PPFIA1: variants seen among roughly 807,000 people sequenced by gnomAD.
The protein encoded by PPFIA1 is liprin-alpha-1.
A neutral mutation model predicts 149.9 loss-of-function variants in PPFIA1; 25 were observed. The ratio of observed to expected loss-of-function variants is 0.17; its 90% CI spans 0.12 to 0.23. PPFIA1 has a LOEUF of 0.23. PPFIA1 is among the 10% of genes least tolerant of loss of function. The pLI is 1.00. For synonymous variants in PPFIA1, 549 were observed against 552.8 expected (o/e 0.99, Z 0.10); for missense variants, 1,362 against 1,506.5 (o/e 0.90, Z 1.59).
intron 9 of PPFIA1, among the ~76,000 whole-genome samples, chr11:70,333,255 A>C (rs538604350): frequency 2.6e-5 from 4 of 152,316 alleles, no homozygotes; most frequent in African/African-American, 9.6e-5. Flanking sequence ...AGCAGCAGCC[A>C]TGCTTCAGAA....
At position 70,348,062 on chromosome 11, in the gene PPFIA1, A is replaced by G. The variant is rs983482216; in HGVS notation, c.1932-127A>G. The G allele has an allele frequency of 1.1e-5, 8 of 699,902 alleles. No individual in the cohort carries two copies. In the African/African-American group the frequency reaches 1.4e-4, roughly 13 times the overall value. 43.4% of individuals were successfully genotyped at this position (699,902 alleles called of 1,614,324 possible). A position where few individuals can be genotyped will look rare whatever the true frequency, so the allele number is the denominator to read the frequency against. On this transcript the variant is annotated intron_variant, in intron 15 of 27. Transcript: ENST00000253925. ...GTAGAACATTTTTGCTGAAGTGTTC[A>G]TTGTTTGAGCAGCTTATTACTGGAG...
At chr11:70,363,617 G>A (rs1462296070) in intron 21 of PPFIA1, among the ~76,000 whole-genome samples, 5 of 152,044 alleles carry the variant, frequency 3.3e-5, no homozygotes, top group African/African-American at 1.2e-4. Flanking sequence ...GGGCTCAAGC[G>A]ATCCTCCCAC....
At chr11:70,300,755 G>C (rs1239568812) in intron 2 of PPFIA1, among the ~76,000 whole-genome samples, 1 of 152,120 alleles carries the variant, frequency 6.6e-6, no homozygotes, top group Non-Finnish European at 1.5e-5. Context: ...GGATGGTCTC[G>C]ATCTCCTGAT....
chr11:70,349,484 A>G (rs2137245404), intron 16 of PPFIA1, among the ~76,000 whole-genome samples: 1 of 152,134 alleles, frequency 6.6e-6, no homozygotes, highest in African/African-American at 2.4e-5. Flanking sequence ...AAAAAACCAA[A>G]CTATCTTGTA....
intron 26 of PPFIA1, chr11:70,378,521 G>GC: frequency 1.0e-6 from 1 of 978,450 alleles, no homozygotes; most frequent in Non-Finnish European, 1.2e-6. Flanking sequence ...GTGCTAGAAA[G>GC]CTCTTTCAGG....
intron 2 of PPFIA1, among the ~76,000 whole-genome samples, chr11:70,302,502 A>C (rs959682659): frequency 1.3e-5 from 2 of 152,210 alleles, no homozygotes; most frequent in Admixed American, 6.5e-5. Context: ...AGCTGGAGAC[A>C]GGGCACTTGA....
At chr11:70,381,205 C>T (rs1234500589) in intron 26 of PPFIA1, 1 of 152,182 alleles carries the variant, frequency 6.6e-6, no homozygotes, top group Non-Finnish European at 1.5e-5. Context: ...CATCTGTCCT[C>T]ACCAACAGTC....
intron 2 of PPFIA1, among the ~76,000 whole-genome samples, chr11:70,281,366 C>CCTCCTG (rs1355015135): frequency 1.3e-5 from 2 of 152,190 alleles, no homozygotes; most frequent in Non-Finnish European, 2.9e-5. Flanking sequence ...CTTCCCCCAA[C>CCTCCTG]CTCCTGCTCC....
intron 2 of PPFIA1, among the ~76,000 whole-genome samples, chr11:70,312,093 C>G (rs778662890): frequency 2.0e-5 from 3 of 151,838 alleles, no homozygotes; most frequent in Non-Finnish European, 2.9e-5. Context: ...TCCTGCCTGC[C>G]TCAGCTTCTC....
intron 2 of PPFIA1, among the ~76,000 whole-genome samples, chr11:70,280,216 G>GTGTA (rs1555077937): frequency 7.0e-6 from 1 of 143,250 alleles, no homozygotes; most frequent in African/African-American, 2.6e-5. Context: ...ATATATGTGT[G>GTGTA]TATATATATA....
intron 2 of PPFIA1, among the ~76,000 whole-genome samples, chr11:70,294,765 A>T (rs1362144827): frequency 6.6e-6 from 1 of 151,798 alleles, no homozygotes; most frequent in Non-Finnish European, 1.5e-5. Context: ...CTTAACGAGC[A>T]TGCTGCCTTC....
chr11:70,326,309 T>C lies in PPFIA1; in HGVS notation c.654T>C (p.Asp218=). ...ATAATCAGAAAAAAACTCTAACAGA[T>C]GGAGTGCTGGACATAAACCATGAAC... The part of the protein sequence containing the change: ...EQNNQKKTLT[D]GVLDINHEQE... Residue 218 remains aspartate, a synonymous_variant, in exon 6 of 28, where the codon GAT becomes GAC. Coordinates refer to ENST00000253925, the MANE Select transcript of PPFIA1 (RefSeq NM_003626.5). 1 of 1,609,988 alleles carries C rather than the reference T, an allele frequency of 6.2e-7. No homozygotes were observed. Among genetic ancestry groups the C allele is most frequent in the Non-Finnish European group, 8.5e-7 (1 of 1,177,472 alleles).
At chr11:70,315,387 T>C (rs1215058768) in intron 2 of PPFIA1, among the ~76,000 whole-genome samples, 2 of 152,216 alleles carry the variant, frequency 1.3e-5, no homozygotes, top group African/African-American at 4.8e-5. Flanking sequence ...CTGCCATCTA[T>C]CTATGGACTG....
At chr11:70,349,349 G>T (rs1213557574) in intron 16 of PPFIA1, among the ~76,000 whole-genome samples, 1 of 151,984 alleles carries the variant, frequency 6.6e-6, no homozygotes, top group African/African-American at 2.4e-5. Flanking sequence ...TTTCCTTTGG[G>T]CCTGGCATGG....
intron 22 of PPFIA1, 27 bp downstream of exon 22, chr11:70,372,417 AATTGGCT>A: frequency 6.2e-7 from 1 of 1,613,618 alleles, no homozygotes; most frequent in Non-Finnish European, 8.5e-7. Flanking sequence ...AGTTCTTAAT[AATTGGCT>A]AAGATTTTTC....
intron 2 of PPFIA1, among the ~76,000 whole-genome samples, chr11:70,290,784 T>C (rs2051471474): frequency 6.6e-6 from 1 of 152,236 alleles, no homozygotes; most frequent in South Asian, 2.1e-4. Flanking sequence ...CCAGTACTAA[T>C]ATAAAAATTG....
At position 70,343,836 on chromosome 11, in the gene PPFIA1, G is replaced by C. The variant is rs745358718; in HGVS notation, c.1875G>C (p.Ala625=). The C allele has an allele frequency of 1.2e-6, 2 of 1,614,060 alleles. No individual in the cohort carries two copies. The highest frequency in any genetic ancestry group is 1.7e-5 in the Admixed American group (1 of 60,016). ...DLLSPSGQAD[A]HTLAMMLQEQ... The stretch of plus-strand genomic sequence containing the variant: ...TATCGCCCAGCGGGCAGGCCGACGC[G>C]CACACACTAGCCATGATGCTTCAGG... Residue 625 remains alanine (A), a synonymous_variant, in exon 15 of 28, where the codon GCG becomes GCC. Transcript: ENST00000253925.
chr11:70,301,916 G>A (rs2052509616), intron 2 of PPFIA1, among the ~76,000 whole-genome samples: 1 of 152,248 alleles, frequency 6.6e-6, no homozygotes, highest in Admixed American at 6.5e-5. Flanking sequence ...GTATTACTCA[G>A]TTAATTCCAT....
At chr11:70,334,795 G>T (rs1308043707) in intron 10 of PPFIA1, among the ~76,000 whole-genome samples, 1 of 152,302 alleles carries the variant, frequency 6.6e-6, no homozygotes, top group African/African-American at 2.4e-5. Context: ...GGTGCACGTC[G>T]TAACCCCGTG....
Sources: allele counts gnomAD v4.1 joint callset (sites outside exome capture counted in the v4.1 genomes callset), GRCh38; gene constraint gnomAD v4.1.1; transcripts MANE v1.5; gene names NCBI Gene and HGNC (gene_info 2026-07-23, HGNC 2026-07-21).